Variants in LAMB3 observed in about 807,000 individuals in gnomAD.
LAMB3 encodes the protein laminin subunit beta-3.
In LAMB3, 104 loss-of-function variants were observed where a neutral mutation model predicts 140.3. The ratio of observed to expected loss-of-function variants is 0.74; its 90% CI spans 0.63 to 0.87. The LOEUF is 0.87. Ranked by LOEUF, LAMB3 falls within the 40% of genes least tolerant of loss-of-function variation. The pLI is 0.00. For synonymous variants in LAMB3, 592 were observed against 602.9 expected, an observed-to-expected ratio of 0.98 and a Z score of 0.26; for missense variants, 1,531 against 1,575.2, an observed-to-expected ratio of 0.97 and a Z score of 0.47.
At position 209,626,944 on chromosome 1, in the gene LAMB3, C is replaced by T. The variant is rs1226041978; in HGVS notation, c.1520G>A (p.Gly507Asp). 1.2e-6 allele frequency: 2 copies of T among 1,613,790 alleles called. No individual in the cohort carries two copies. Among genetic ancestry groups the T allele is most frequent in the Admixed American group, 1.7e-5 (1 of 60,004 alleles). The change falls in exon 13 of 23, where the codon GGT becomes GAT. Residue 507 changes from glycine (G) to aspartate (D), a missense_variant. By Grantham distance (94) the Gly-to-Asp change is moderately conservative. Transcript: ENST00000356082. Reference protein sequence around the residue: ...TGQCPCREGFGGLMCSAAAIR... With the variant: ...TGQCPCREGFDGLMCSAAAIR... The stretch of plus-strand genomic sequence containing the variant: ...GGCTGCAGCGCTGCACATCAGGCCA[C>T]CAAAGCCTTCCCGACAGGGGCACTG...
chr1:209,650,650 G>T (rs2076557225), intron 2 of LAMB3, among the ~76,000 whole-genome samples: 1 of 152,252 alleles, frequency 6.6e-6, no homozygotes, highest in African/African-American at 2.4e-5. Flanking sequence ...ATGGGAAACT[G>T]TGGAGAGCAC....
chr1:209,621,812 A>C (rs1666206037), intron 18 of LAMB3, among the ~76,000 whole-genome samples: 1 of 152,194 alleles, frequency 6.6e-6, no homozygotes, highest in Non-Finnish European at 1.5e-5. Flanking sequence ...TCATTTATTC[A>C]TGCCACCAAT....
chr1:209,616,472 T>G lies in LAMB3; in HGVS notation c.3381A>C (p.Lys1127Asn), dbSNP rs1406847481. ...GETMEMMDRMKDMELELLRGS... is the reference protein window; with the variant it reads ...GETMEMMDRMNDMELELLRGS... ...CATGCCCCTAAACCATTCCCTCACC[T>G]TTCATCCTGTCCATCATCTCCATGG... is the stretch of plus-strand genomic sequence containing the variant. The change falls in exon 22 of 23, where the codon AAA becomes AAC. Residue 1127 changes from lysine (K) to asparagine (N), a missense_variant and splice_region_variant. Transcript: ENST00000356082. The G allele has an allele frequency of 8.1e-6, 13 of 1,614,052 alleles. No individual in the cohort carries two copies. Among genetic ancestry groups the G allele is most frequent in the Non-Finnish European group, 1.1e-5 (13 of 1,179,984 alleles).
At chr1:209,645,667 G>C (rs2076510511) in intron 3 of LAMB3, among the ~76,000 whole-genome samples, 2 of 149,308 alleles carry the variant, frequency 1.3e-5, no homozygotes, top group Admixed American at 1.3e-4. Context: ...TGTGAGCCGA[G>C]ATCATGCCAC....
rs1308020232 is a variant in LAMB3 at position 209,639,782 on chromosome 1, ACTGTCCAGAGGG to A, written c.184-1146_184-1135del. On this transcript the variant is annotated intron_variant, in intron 3 of 22. Transcript: ENST00000356082. ...AAACCCTGTGCGCAGCTTAAACCAT[ACTGTCCAGAGGG>A]CTCCAGATTTACCCACAAATAGATG... 5.3e-4 allele frequency among the ~76,000 whole-genome samples: 81 copies of A among 152,118 alleles called. 1 individual carries two copies. Among genetic ancestry groups the A allele is most frequent in the Non-Finnish European group, 1.2e-4 (8 of 68,014 alleles).
Position 209,638,791 on chromosome 1 carries a change from A to G in LAMB3, c.184-143T>C, listed in dbSNP as rs1280271341. Reference sequence around the variant, plus strand: ...TTTATTAATACAATTTGAAGGGTTAATCTCTTAAAACACAGCTATTGATCA... The same window carrying G: ...TTTATTAATACAATTTGAAGGGTTAGTCTCTTAAAACACAGCTATTGATCA... On this transcript the variant is annotated intron_variant, in intron 3 of 22. Transcript: ENST00000356082. 5 of 687,270 alleles carry G rather than the reference A, an allele frequency of 7.3e-6. No homozygotes were observed. In the East Asian group the frequency reaches 1.4e-4, roughly 19 times the overall value. The allele number at this position is 687,270 out of a possible 1,614,324, so 42.6% of individuals were successfully genotyped here. A position where few individuals can be genotyped will look rare whatever the true frequency, so the allele number is the denominator to read the frequency against.
chr1:209,644,206 G>C, intron 3 of LAMB3, among the ~76,000 whole-genome samples: 1 of 152,224 alleles, frequency 6.6e-6, no homozygotes, highest in East Asian at 1.9e-4. Context: ...CGCTGGGTGG[G>C]AGGACAGCCG....
At chr1:209,624,287 A>C (rs141274102) in intron 14 of LAMB3, among the ~76,000 whole-genome samples, 35 of 152,296 alleles carry the variant, frequency 2.3e-4, no homozygotes, top group Middle Eastern at 6.8e-3. Context: ...CCTGGCTTCC[A>C]TGAGGAGCAA....
intron 3 of LAMB3, among the ~76,000 whole-genome samples, chr1:209,643,299 A>G (rs2076487378): frequency 6.6e-6 from 1 of 151,064 alleles, no homozygotes; most frequent in South Asian, 2.1e-4. Flanking sequence ...AATCTCTCAT[A>G]TGTGATATGC....
At chr1:209,636,377 G>A (rs1571826743) in intron 5 of LAMB3, among the ~76,000 whole-genome samples, 1 of 152,154 alleles carries the variant, frequency 6.6e-6, no homozygotes, top group African/African-American at 2.4e-5. Context: ...ATATCCCCTG[G>A]GGGAGAGGAG....
In LAMB3 at chr1:209,623,812, G is replaced by A. The variant is rs753392880; in HGVS notation, c.2137+28C>T. 9.9e-6 allele frequency: 16 copies of A among 1,614,002 alleles called. No homozygotes were observed. Among genetic ancestry groups the A allele is most frequent in the African/African-American group, 2.7e-5 (2 of 74,938 alleles). ...GCCCACCACGGCAGTGCCCATGCCCGGGGTTATCCGGGTGCCCCTCTCCTC... is the reference window on the plus strand; with the variant it reads ...GCCCACCACGGCAGTGCCCATGCCCAGGGTTATCCGGGTGCCCCTCTCCTC... On this transcript the variant is annotated intron_variant, in intron 15 of 22. Transcript: ENST00000356082. This position sits in a 1 kb window ranked among gnomAD's most constrained non-coding sequence, Gnocchi z 4.2.
intron 13 of LAMB3, among the ~76,000 whole-genome samples, chr1:209,626,361 TAAG>T (rs71791310): frequency 0.031 from 4,704 of 152,254 alleles, 247 homozygotes; most frequent in East Asian, 0.25. Flanking sequence ...CCTCTTCCTC[TAAG>T]AAGGAAACCA....
At position 209,630,708 on chromosome 1, in the gene LAMB3, T is replaced by G. The variant is rs1471725675; in HGVS notation, c.850A>C (p.Asn284His). ...CGCTCACAATTTGGGCCGGCAGTGTTGTGCTGGCAGACACAGACATCGTGG... is the reference window on the plus strand; with the variant it reads ...CGCTCACAATTTGGGCCGGCAGTGTGGTGCTGGCAGACACAGACATCGTGG... ...QVHDVCVCQH[N>H]TAGPNCERCA... The change falls in exon 9 of 23, where the codon AAC becomes CAC. Residue 284 changes from asparagine (N) to histidine (H), a missense_variant. Asn to His is a moderately conservative substitution (Grantham distance 68). Coordinates refer to ENST00000356082, the MANE Select transcript of LAMB3 (RefSeq NM_000228.3). The G allele has an allele frequency of 1.2e-6, 2 of 1,613,890 alleles. No homozygotes were observed. The highest frequency in any genetic ancestry group is 1.7e-6 in the Non-Finnish European group (2 of 1,180,006).
At position 209,626,505 on chromosome 1, in the gene LAMB3, G is replaced by A. The variant is rs116233570; in HGVS notation, c.1597+362C>T. 3.9e-3 allele frequency among the ~76,000 whole-genome samples: 599 copies of A among 152,310 alleles called. 6 individuals carry two copies. The highest frequency in any genetic ancestry group is 0.014 in the African/African-American group (573 of 41,556). On this transcript the variant is annotated intron_variant, in intron 13 of 22. Coordinates refer to ENST00000356082, the MANE Select transcript of LAMB3 (RefSeq NM_000228.3). Reference sequence around the variant, plus strand: ...ACATCAAACTGACTCCGTGGGAAACGACACCCTTTCCCCTTCAGGACTCAC... The same window carrying A: ...ACATCAAACTGACTCCGTGGGAAACAACACCCTTTCCCCTTCAGGACTCAC...
intron 18 of LAMB3, among the ~76,000 whole-genome samples, chr1:209,620,745 T>G (rs772445094): frequency 7.9e-5 from 12 of 152,238 alleles, no homozygotes; most frequent in Non-Finnish European, 1.5e-4. Context: ...ATGTAATACA[T>G]GCAAAGCACT....
chr1:209,627,974 G>A (rs751560888), intron 11 of LAMB3, 61 bp downstream of exon 11: 425 of 1,539,312 alleles, frequency 2.8e-4, no homozygotes, highest in Non-Finnish European at 3.3e-4. Flanking sequence ...AGGGCAAGCC[G>A]TGGGTCTGGT....
rs576916876 is a variant in LAMB3, at chr1:209,638,111, G to A, written c.299-130C>T. On this transcript the variant is annotated intron_variant, in intron 4 of 22. Transcript: ENST00000356082. Reference sequence around the variant, plus strand: ...ACCTTGATTTTCCAAACTCCCTCTTGGAGAGGAGTGGGGAGTGGTATGTTT... The same window carrying A: ...ACCTTGATTTTCCAAACTCCCTCTTAGAGAGGAGTGGGGAGTGGTATGTTT... 427 of 759,436 alleles carry A rather than the reference G, an allele frequency of 5.6e-4. 13 individuals are homozygous for A. The Admixed American group carries it at 8.4e-3, about 15-fold the overall frequency. The allele number at this position is 759,436 out of a possible 1,614,324, so 47.0% of individuals were successfully genotyped here. A position where few individuals can be genotyped will look rare whatever the true frequency, so the allele number is the denominator to read the frequency against.
chr1:209,618,919 A>G (rs1185653001), intron 18 of LAMB3: 1 of 546,426 alleles, frequency 1.8e-6, no homozygotes, highest in East Asian at 3.2e-5. Flanking sequence ...TGTGCCAACT[A>G]AGTGTCTGGT....
In LAMB3 at chr1:209,638,638, T is replaced by C. The variant is rs375522351; in HGVS notation, c.194A>G (p.Lys65Arg). 6.2e-7 allele frequency: 1 copy of C among 1,609,140 alleles called. No individual in the cohort carries two copies. The highest frequency in any genetic ancestry group is 8.5e-7 in the Non-Finnish European group (1 of 1,175,450). Residue 65 changes from lysine (K) to arginine (R), a missense_variant, in exon 4 of 23, where the codon AAA (lysine) becomes AGA (arginine). Transcript: ENST00000356082. ...CTGCCTGGAGTCACACTTGCAGCAT[T>C]TCATCTGCCACTGTGGGAGAGGGAG... The part of the protein sequence containing the change: ...YCTQYGEWQM[K>R]CCKCDSRQPH...
Sources: allele counts gnomAD v4.1 joint callset (sites outside exome capture counted in the v4.1 genomes callset), GRCh38; gene constraint gnomAD v4.1.1; non-coding constraint Gnocchi (gnomAD v3.1); transcripts MANE v1.5; gene names NCBI Gene and HGNC (gene_info 2026-07-23, HGNC 2026-07-21).